The following SPON1 variants were observed in gnomAD, a reference collection of about 807,000 sequenced individuals.
The protein encoded by SPON1 is spondin 1.
A neutral mutation model predicts 111.7 loss-of-function variants in SPON1; 52 were observed. That is an observed-to-expected ratio of 0.47 (90% CI 0.37 to 0.59). The LOEUF is 0.59. Ranked by LOEUF, SPON1 falls within the 20% of genes least tolerant of loss-of-function variation. The pLI, the probability that SPON1 is intolerant of heterozygous loss-of-function variation, is 0.00. For synonymous variants in SPON1, 410 were observed against 395.8 expected, an observed-to-expected ratio of 1.04 and a Z score of -0.43; for missense variants, 957 against 1,068.5, an observed-to-expected ratio of 0.90 and a Z score of 1.46.
chr11:14,197,565 G>A lies in SPON1; in HGVS notation c.826-45767G>A, dbSNP rs144979920. 8.6e-5 allele frequency among the ~76,000 whole-genome samples: 13 copies of A among 151,064 alleles called. No individual in the cohort carries two copies. The East Asian group carries it at 2.0e-3, about 23-fold the overall frequency. On this transcript the variant is annotated intron_variant, in intron 6 of 15. Coordinates refer to ENST00000576479, the MANE Select transcript of SPON1 (RefSeq NM_006108.4). ...ATGGTGGCTCACGCCTGTAATCCCAGCACTTTGGGGCAGTATCACCTGAGG... is the reference window on the plus strand; with the variant it reads ...ATGGTGGCTCACGCCTGTAATCCCAACACTTTGGGGCAGTATCACCTGAGG...
intron 5 of SPON1, among the ~76,000 whole-genome samples, chr11:14,085,389 T>C (rs1554922476): frequency 1.3e-5 from 2 of 152,226 alleles, no homozygotes; most frequent in East Asian, 1.9e-4. Context: ...CCCAGCACCA[T>C]TGATTAAATA....
intron 6 of SPON1, among the ~76,000 whole-genome samples, chr11:14,206,610 T>A (rs1236731097): frequency 6.6e-6 from 1 of 152,190 alleles, no homozygotes; most frequent in Non-Finnish European, 1.5e-5. Flanking sequence ...ATAAAAGTGT[T>A]CCTCATATTC....
At chr11:13,998,109 C>G (rs1377298688) in intron 2 of SPON1, among the ~76,000 whole-genome samples, 3 of 152,174 alleles carry the variant, frequency 2.0e-5, no homozygotes, top group Non-Finnish European at 4.4e-5. Flanking sequence ...GTATTAACCC[C>G]TCTTCAACTC....
rs367698127 is a variant in SPON1 at position 14,000,758 on chromosome 11, A to G, written c.345+17805A>G. ...CAGCCACACACCCCCTGGCCCCTCC[A>G]AAACAGCTTGTACTTATGTGGCTGC... is the stretch of plus-strand genomic sequence containing the variant. On this transcript the variant is annotated intron_variant, in intron 2 of 15. Transcript: ENST00000576479. Among the ~76,000 whole-genome samples the G allele has an allele frequency of 3.9e-5, 6 of 152,152 alleles. No individual in the cohort carries two copies. In the East Asian group the frequency reaches 7.7e-4, roughly 20 times the overall value.
intron 6 of SPON1, among the ~76,000 whole-genome samples, chr11:14,218,510 A>G (rs1848648675): frequency 6.6e-6 from 1 of 152,214 alleles, no homozygotes; most frequent in Non-Finnish European, 1.5e-5. Context: ...AGCACCCAGT[A>G]CACTTAATAG....
chr11:14,134,208 G>A (rs782500088), intron 5 of SPON1, among the ~76,000 whole-genome samples: 1 of 152,146 alleles, frequency 6.6e-6, no homozygotes, highest in African/African-American at 2.4e-5. Context: ...TTTAACTTGA[G>A]ACTTTGTTTA....
At chr11:14,050,994 T>G (rs1014116847) in intron 3 of SPON1, among the ~76,000 whole-genome samples, 1 of 152,082 alleles carries the variant, frequency 6.6e-6, no homozygotes, top group Non-Finnish European at 1.5e-5. Flanking sequence ...CCCATTGCAG[T>G]GGGGGCAGAG....
At chr11:13,991,476 T>A (rs782288241) in intron 2 of SPON1, among the ~76,000 whole-genome samples, 2 of 152,212 alleles carry the variant, frequency 1.3e-5, no homozygotes, top group African/African-American at 4.8e-5. Flanking sequence ...GCAATTCATC[T>A]AACCTTTTTT....
intron 6 of SPON1, among the ~76,000 whole-genome samples, chr11:14,156,746 T>C (rs192064172): frequency 9.2e-5 from 14 of 152,218 alleles, no homozygotes; most frequent in South Asian, 2.1e-4. Flanking sequence ...ATTTATTAAA[T>C]AGGGAATCCT....
Position 14,041,636 on chromosome 11 carries a change from C to G in SPON1, c.461C>G (p.Thr154Arg). 3 of 1,613,766 alleles carry G rather than the reference C, an allele frequency of 1.9e-6. No homozygotes were observed. The highest frequency in any genetic ancestry group is 2.5e-6 in the Non-Finnish European group (3 of 1,179,834). The change falls in exon 3 of 16, where the codon ACA (threonine) becomes AGA (arginine). Residue 154 changes from threonine to arginine, a missense_variant. Around this residue, in one of 5 missense-constraint regions of SPON1, gnomAD observed 262 missense variants for 253.9 expected, o/e 1.03. Coordinates refer to ENST00000576479, the MANE Select transcript of SPON1 (RefSeq NM_006108.4). Reference protein sequence around the residue: ...QVFWIAPPAGTGCVILKASIV... With the variant: ...QVFWIAPPAGRGCVILKASIV... ...TTTTGGATAGCACCACCAGCGGGAACAGGCTGCGTGATTCTGAAGTAAGTA... is the reference window on the plus strand; with the variant it reads ...TTTTGGATAGCACCACCAGCGGGAAGAGGCTGCGTGATTCTGAAGTAAGTA...
chr11:14,035,614 C>CT (rs57790720), intron 2 of SPON1, among the ~76,000 whole-genome samples: 2,587 of 132,152 alleles, frequency 0.02, 83 homozygotes, highest in African/African-American at 0.062. Flanking sequence ...ACACTTAGTT[C>CT]TTTTTTTTTT....
At chr11:14,164,903 A>G (rs564879786) in intron 6 of SPON1, among the ~76,000 whole-genome samples, 2 of 152,216 alleles carry the variant, frequency 1.3e-5, no homozygotes, top group African/African-American at 4.8e-5. Context: ...TCAATGAGCC[A>G]GTTTATTGAT....
intron 6 of SPON1, among the ~76,000 whole-genome samples, chr11:14,186,509 G>A (rs1203171910): frequency 6.6e-6 from 1 of 152,176 alleles, no homozygotes; most frequent in African/African-American, 2.4e-5. Flanking sequence ...ATTTGATGTA[G>A]TGGGAAATTG....
intron 3 of SPON1, among the ~76,000 whole-genome samples, chr11:14,052,742 A>C (rs1564894307): frequency 6.6e-6 from 1 of 152,230 alleles, no homozygotes; most frequent in East Asian, 1.9e-4. Context: ...CCAGGGGATC[A>C]GTCCAATGGC....
intron 6 of SPON1, among the ~76,000 whole-genome samples, chr11:14,213,490 A>C (rs1554936909): frequency 6.6e-6 from 1 of 152,076 alleles, no homozygotes; most frequent in African/African-American, 2.4e-5. Context: ...AGAAAAATGC[A>C]CTATTAAAAA....
chr11:14,243,798 G>A (rs542379282), intron 7 of SPON1, among the ~76,000 whole-genome samples: 15 of 152,254 alleles, frequency 9.9e-5, no homozygotes, highest in Admixed American at 2.6e-4. Flanking sequence ...TCTCAGTCCC[G>A]TTTCTTTTCT....
At chr11:14,156,017 T>C in intron 6 of SPON1, among the ~76,000 whole-genome samples, 1 of 124,650 alleles carries the variant, frequency 8.0e-6, no homozygotes, top group Non-Finnish European at 1.8e-5. Context: ...ATATACCCAG[T>C]AATGGGATGG....
chr11:14,026,206 A>G (rs1197506331), intron 2 of SPON1, among the ~76,000 whole-genome samples: 2 of 152,206 alleles, frequency 1.3e-5, no homozygotes, highest in African/African-American at 4.8e-5. Flanking sequence ...CAAAGACAAA[A>G]TGCATTCTCT....
At chr11:14,229,755 G>A (rs563664412) in intron 6 of SPON1, among the ~76,000 whole-genome samples, 11 of 152,250 alleles carry the variant, frequency 7.2e-5, no homozygotes, top group South Asian at 2.1e-4. Context: ...CCAAACTTGC[G>A]CAGCATATAA....
Sources: gnomAD v4.1 joint callset for allele counts (sites outside exome capture counted in the v4.1 genomes callset) on GRCh38, gnomAD v4.1.1 for gene constraint, gnomAD v4.1.1 regional missense constraint, MANE v1.5 for transcripts, NCBI Gene and HGNC (gene_info 2026-07-23, HGNC 2026-07-21) for gene names.